DOCK10: variants seen among roughly 807,000 people sequenced by gnomAD.
DOCK10 encodes the protein dedicator of cytokinesis 10.
Under a neutral mutation model 280.1 loss-of-function variants are expected in DOCK10, and 145 were observed. That is an observed-to-expected ratio of 0.52 (90% CI 0.45 to 0.59). The LOEUF (loss-of-function observed/expected upper bound fraction) is 0.59, where lower values mean the gene tolerates loss of function less well. Among genes scored for constraint, DOCK10 ranks in the 20% least tolerant of loss-of-function variants. The pLI is 0.00. For missense variants in DOCK10, 2,368 were observed against 2,651.7 expected (o/e 0.89, Z 2.35); for synonymous variants, 915 against 942.2 (o/e 0.97, Z 0.53).
intron 37 of DOCK10, 79 bp from the exon 38 acceptor site, chr2:224,804,920 G>T (rs1693286161): frequency 2.4e-6 from 3 of 1,270,362 alleles, no homozygotes; most frequent in East Asian, 2.6e-5. Context: ...TATATTGAAA[G>T]AAAAATATTA....
intron 1 of DOCK10, among the ~76,000 whole-genome samples, chr2:225,035,572 A>ATATATATATATATATATATAT (rs1559986747): frequency 0.031 from 2,193 of 69,880 alleles, 185 homozygotes; most frequent in Non-Finnish European, 0.05. Context: ...ATATATATAT[A>ATATATATATATATATATATAT]TATATATATA....
Position 224,853,058 on chromosome 2 carries a change from T to C in DOCK10, c.1953A>G (p.Thr651=), listed in dbSNP as rs1005388825. 6.8e-6 allele frequency: 11 copies of C among 1,611,400 alleles called. No individual in the cohort carries two copies. The highest frequency in any genetic ancestry group is 1.7e-5 in the Admixed American group (1 of 60,002). The change falls in exon 17 of 56, where the codon ACA becomes ACG. Residue 651 remains threonine (T), a synonymous_variant. Coordinates refer to ENST00000258390, the MANE Select transcript of DOCK10 (RefSeq NM_014689.3). ...PFNMMAQTEP[T]VEVEEFVYDS... is the part of the protein sequence containing the mutation. ...CGTAAACAAATTCTTCCACCTCCAC[T>C]GTGGGTTCTGTTTGAGCCATCATGT...
At chr2:225,016,652 GATACATAGATACATATATCTATGTGCAC>G (rs1689611712) in intron 1 of DOCK10, among the ~76,000 whole-genome samples, 1 of 18,094 alleles carries the variant, frequency 5.5e-5, no homozygotes. Flanking sequence ...TGTGCACATA[GATACATAGATACATATATCTATGTGCAC>G]ATAGATATAT....
chr2:224,984,109 C>T (rs1306227569), intron 1 of DOCK10, among the ~76,000 whole-genome samples: 14 of 151,778 alleles, frequency 9.2e-5, no homozygotes, highest in Admixed American at 8.5e-4. Flanking sequence ...CACCCACTTA[C>T]TCCCATCCCC....
intron 16 of DOCK10, among the ~76,000 whole-genome samples, chr2:224,854,276 CCAAA>C (rs1696955207): frequency 6.6e-6 from 1 of 151,012 alleles, no homozygotes; most frequent in Non-Finnish European, 1.5e-5. Flanking sequence ...TCAGAAATAA[CCAAA>C]CAAACCAATT....
intron 1 of DOCK10, among the ~76,000 whole-genome samples, chr2:224,940,060 T>C (rs1702937060): frequency 1.3e-5 from 2 of 152,198 alleles, no homozygotes; most frequent in Admixed American, 1.3e-4. Context: ...CCTGATTTTC[T>C]GGCATCATGG....
At chr2:224,776,063 C>G (rs745988) in intron 51 of DOCK10, among the ~76,000 whole-genome samples, 2,364 of 151,168 alleles carry the variant, frequency 0.016, 60 homozygotes, top group African/African-American at 0.055. Context: ...TGACAAATAG[C>G]AAGGAAGACA....
Position 224,778,226 on chromosome 2 carries a change from C to A in DOCK10, c.5714G>T (p.Gly1905Val), listed in dbSNP as rs1691011794. The change falls in exon 51 of 56, where the codon GGT becomes GTT. Residue 1905 changes from glycine to valine, a missense_variant. This residue lies in a region of DOCK10 where 1,159 missense variants were observed against 1,400.8 expected (regional missense o/e 0.83). Transcript: ENST00000258390. ...TAATCTTTGGGAAATCTCGGACAGA[C>A]CTGTCAGCTTAGGCTCTTTATAAAT... ...EYIYKEPKLT[G>V]LSEISQRLLK... 1.2e-6 allele frequency: 2 copies of A among 1,611,514 alleles called. No homozygotes were observed. Among genetic ancestry groups the A allele is most frequent in the Non-Finnish European group, 1.7e-6 (2 of 1,178,526 alleles).
intron 1 of DOCK10, among the ~76,000 whole-genome samples, chr2:224,960,635 A>T (rs1375921046): frequency 6.6e-6 from 1 of 151,952 alleles, no homozygotes. Context: ...GATTTTACTA[A>T]CATAATCATC....
At position 224,786,318 on chromosome 2, in the gene DOCK10, C is replaced by T. The variant is rs564304077; in HGVS notation, c.5655+704G>A. 5.3e-5 allele frequency among the ~76,000 whole-genome samples: 8 copies of T among 152,268 alleles called. No individual in the cohort carries two copies. Among genetic ancestry groups the T allele is most frequent in the South Asian group, 2.1e-4 (1 of 4,826 alleles). ...AAATACGTCTGCTGAAATATAATAG[C>T]GTTATAAGCCTTCCTGAAAAGAAAA... On this transcript the variant is annotated intron_variant, in intron 50 of 55. Coordinates refer to ENST00000258390, the MANE Select transcript of DOCK10 (RefSeq NM_014689.3). The surrounding 1 kb of genome is among the most constrained non-coding windows in gnomAD (Gnocchi z 4.7).
At chr2:224,862,406 A>G (rs996100302) in intron 14 of DOCK10, 9 of 328,510 alleles carry the variant, frequency 2.7e-5, no homozygotes, top group Non-Finnish European at 3.9e-5. Context: ...TTTGATATCT[A>G]CCAAGAACCC....
intron 29 of DOCK10, among the ~76,000 whole-genome samples, chr2:224,817,613 G>A (rs1163079293): frequency 6.6e-6 from 1 of 152,156 alleles, no homozygotes; most frequent in Non-Finnish European, 1.5e-5. Context: ...ATTTTACATT[G>A]AGAACATTCT....
In DOCK10 at chr2:224,816,657, A is replaced by G. The variant is rs1694153423; in HGVS notation, c.3324T>C (p.Phe1108=). ...ATCTTATGGGCAGACACAAAGGGAT[A>G]AAGTGTTCATGTTGACATACTTCTT... ...FLQEVCQHEH[F]IPLCLPIRSA... is the part of the protein sequence containing the mutation. The change falls in exon 30 of 56, where the codon TTT becomes TTC. Residue 1108 remains phenylalanine (F), a synonymous_variant. Transcript: ENST00000258390. 6.2e-7 allele frequency: 1 copy of G among 1,609,648 alleles called. No individual in the cohort carries two copies. The highest frequency in any genetic ancestry group is 8.5e-7 in the Non-Finnish European group (1 of 1,177,516).
In DOCK10 at chr2:224,844,809, C is replaced by A; in HGVS notation, c.2512G>T (p.Gly838Cys). The change falls in exon 22 of 56, where the codon GGT becomes TGT. Residue 838 changes from glycine to cysteine, a missense_variant. Gly to Cys is a radical substitution (Grantham distance 159). Around this residue, in one of 2 missense-constraint regions of DOCK10, gnomAD observed 1,209 missense variants for 1,250.9 expected, o/e 0.97. Coordinates refer to ENST00000258390, the MANE Select transcript of DOCK10 (RefSeq NM_014689.3). Reference sequence around the variant, plus strand: ...GACACTTTGAAAAGTGGTTTGCCACCATCAACCCATTTAATGTCACTCCCA... The same window carrying A: ...GACACTTTGAAAAGTGGTTTGCCACAATCAACCCATTTAATGTCACTCCCA... ...HGGSDIKWVD[G>C]GKPLFKVSTF... 6.2e-7 allele frequency: 1 copy of A among 1,607,640 alleles called. No individual in the cohort carries two copies. The highest frequency in any genetic ancestry group is 8.5e-7 in the Non-Finnish European group (1 of 1,176,820).
chr2:224,930,460 C>T lies in DOCK10; in HGVS notation c.243+1089G>A, dbSNP rs1036930856. Among the ~76,000 whole-genome samples the T allele has an allele frequency of 3.3e-5, 5 of 151,940 alleles. No individual in the cohort carries two copies. The East Asian group carries it at 9.6e-4, about 29-fold the overall frequency. ...ATTTTGAAAAACATTGGAAGAGTTT[C>T]TTTCTTTCTGTTTACAAATCTGTCT... On this transcript the variant is annotated intron_variant, in intron 2 of 55. Coordinates refer to ENST00000258390, the MANE Select transcript of DOCK10 (RefSeq NM_014689.3).
At chr2:224,813,086 C>A (rs533198570) in intron 31 of DOCK10, among the ~76,000 whole-genome samples, 1 of 152,286 alleles carries the variant, frequency 6.6e-6, no homozygotes, top group South Asian at 2.1e-4. Flanking sequence ...CTTAATTGTT[C>A]TCATCGCACA....
chr2:225,021,296 A>G (rs138059386), intron 1 of DOCK10, among the ~76,000 whole-genome samples: 21 of 152,324 alleles, frequency 1.4e-4, no homozygotes, highest in Admixed American at 9.1e-4. Flanking sequence ...ACGGTTGGTT[A>G]AACAGTGGGA....
intron 47 of DOCK10, among the ~76,000 whole-genome samples, chr2:224,790,318 T>A (rs911379277): frequency 2.0e-5 from 3 of 152,150 alleles, no homozygotes; most frequent in Non-Finnish European, 4.4e-5. Context: ...AAGCTAACCA[T>A]GACATTTGGG....
At chr2:224,859,697 T>C (rs369087354) in intron 14 of DOCK10, among the ~76,000 whole-genome samples, 72 of 152,200 alleles carry the variant, frequency 4.7e-4, no homozygotes, top group Middle Eastern at 3.4e-3. Context: ...AGGGCCAACA[T>C]GTCTTAGGGC....
Sources: gnomAD v4.1 joint callset for allele counts (sites outside exome capture counted in the v4.1 genomes callset) on GRCh38, gnomAD v4.1.1 for gene constraint, gnomAD v4.1.1 regional missense constraint, Gnocchi (gnomAD v3.1) non-coding constraint, MANE v1.5 for transcripts, NCBI Gene and HGNC (gene_info 2026-07-23, HGNC 2026-07-21) for gene names.